Variants in SPATS2 observed in about 807,000 individuals in gnomAD.
SPATS2 encodes spermatogenesis associated serine rich 2, also known as spermatogenesis-associated serine-rich protein 2.
Under a neutral mutation model 63.7 loss-of-function variants are expected in SPATS2, and 38 were observed. That is an observed-to-expected ratio of 0.60 (90% CI 0.46 to 0.78). The LOEUF (loss-of-function observed/expected upper bound fraction) is 0.78. SPATS2 is among the 30% of genes least tolerant of loss of function. SPATS2 has a pLI of 0.00. For missense variants in SPATS2, 588 were observed against 666.2 expected (o/e 0.88, Z 1.29); for synonymous variants, 207 against 232.9 (o/e 0.89, Z 1.01).
At chr12:49,503,113 A>G (rs1946591999) in intron 9 of SPATS2, among the ~76,000 whole-genome samples, 2 of 152,020 alleles carry the variant, frequency 1.3e-5, no homozygotes, top group African/African-American at 4.8e-5. Flanking sequence ...GCACTTTGGG[A>G]GGCCAAGGCG....
At chr12:49,505,217 G>A (rs144518271) in intron 9 of SPATS2, among the ~76,000 whole-genome samples, 233 of 152,240 alleles carry the variant, frequency 1.5e-3, no homozygotes, top group African/African-American at 5.2e-3. Context: ...TATCTAAAAT[G>A]TGTAGAAATA....
rs531585369 is a variant in SPATS2, at chr12:49,453,098, G to T, written c.-243-7672G>T. Among the ~76,000 whole-genome samples, 26 of 150,990 alleles carry T rather than the reference G, an allele frequency of 1.7e-4. No homozygotes were observed. In the East Asian group the frequency reaches 4.3e-3, roughly 25 times the overall value. On this transcript the variant is annotated intron_variant, in intron 2 of 13. Coordinates refer to ENST00000552918, the MANE Select transcript of SPATS2 (RefSeq NM_023071.4). ...GGCATGAACCCGGGAGGCGGAGCTT[G>T]CAGTGAGCCAAGATTGCGCCACTGC...
At chr12:49,511,706 C>T (rs530157492) in intron 9 of SPATS2, among the ~76,000 whole-genome samples, 1 of 152,200 alleles carries the variant, frequency 6.6e-6, no homozygotes, top group East Asian at 1.9e-4. Context: ...TTGTTTAGCT[C>T]AGAAACAGAT....
chr12:49,512,210 T>C (rs1274540758), intron 9 of SPATS2, among the ~76,000 whole-genome samples: 1 of 152,218 alleles, frequency 6.6e-6, no homozygotes, highest in East Asian at 1.9e-4. Flanking sequence ...CTGAGAAATA[T>C]ATCAGCATCA....
intron 3 of SPATS2, among the ~76,000 whole-genome samples, chr12:49,466,329 A>C (rs1945914888): frequency 6.6e-6 from 1 of 151,772 alleles, no homozygotes; most frequent in African/African-American, 2.4e-5. Flanking sequence ...CGCCCGGCTA[A>C]TTTTTGTATT....
intron 2 of SPATS2, among the ~76,000 whole-genome samples, chr12:49,443,023 G>T (rs1297386953): frequency 6.6e-6 from 1 of 151,982 alleles, no homozygotes; most frequent in Non-Finnish European, 1.5e-5. Context: ...TTTGTGACTG[G>T]CTTATTCTAT....
At chr12:49,411,227 A>G (rs1199731093) in intron 2 of SPATS2, among the ~76,000 whole-genome samples, 1 of 152,148 alleles carries the variant, frequency 6.6e-6, no homozygotes, top group Non-Finnish European at 1.5e-5. Context: ...TATTGTTGTT[A>G]GCATACTCAG....
chr12:49,526,189 T>C lies in SPATS2; in HGVS notation c.1572T>C (p.Pro524=). The change falls in exon 14 of 14, where the codon CCT becomes CCC. Residue 524 remains proline, a synonymous_variant. Transcript: ENST00000552918. ...GCATGGAGCCCAGCCCTCCCACGCC[T>C]TCATTCAAAAAGGGGCTCCCCCAGC... ...GVSMEPSPPT[P]SFKKGLPQRK... The C allele has an allele frequency of 1.2e-6, 2 of 1,614,150 alleles. No homozygotes were observed. The highest frequency in any genetic ancestry group is 1.7e-6 in the Non-Finnish European group (2 of 1,180,010).
chr12:49,497,406 T>TC (rs1325151031), intron 8 of SPATS2, among the ~76,000 whole-genome samples: 9 of 150,862 alleles, frequency 6.0e-5, no homozygotes, highest in African/African-American at 1.2e-4. Context: ...TTTTTTTTTT[T>TC]TCCCCCGAGA....
intron 3 of SPATS2, among the ~76,000 whole-genome samples, chr12:49,471,583 T>C (rs1946034571): frequency 6.6e-6 from 1 of 152,162 alleles, no homozygotes; most frequent in East Asian, 1.9e-4. Context: ...CTTCCTGGCT[T>C]GGCCTCCCAA....
At chr12:49,516,973 G>GT (rs1946861911) in intron 10 of SPATS2, among the ~76,000 whole-genome samples, 1 of 151,866 alleles carries the variant, frequency 6.6e-6, no homozygotes, top group Non-Finnish European at 1.5e-5. Flanking sequence ...GTTGCTTTTT[G>GT]TTTTTTACAT....
intron 2 of SPATS2, among the ~76,000 whole-genome samples, chr12:49,374,112 TA>T (rs1378198739): frequency 6.6e-6 from 1 of 152,068 alleles, no homozygotes; most frequent in Non-Finnish European, 1.5e-5. Flanking sequence ...TTGAAGTTTA[TA>T]AATATGTTAT....
intron 2 of SPATS2, among the ~76,000 whole-genome samples, chr12:49,435,100 A>G (rs975273584): frequency 7.4e-6 from 1 of 135,356 alleles, no homozygotes; most frequent in African/African-American, 2.8e-5. Context: ...GCGCAATCTC[A>G]GCTCACTGCA....
intron 2 of SPATS2, among the ~76,000 whole-genome samples, chr12:49,434,324 A>C (rs572233550): frequency 1.3e-5 from 2 of 152,210 alleles, no homozygotes; most frequent in African/African-American, 2.4e-5. Context: ...AACCATTTGT[A>C]TGTTGATGCC....
At chr12:49,525,103 C>T (rs139314672) in intron 13 of SPATS2, among the ~76,000 whole-genome samples, 3,754 of 152,290 alleles carry the variant, frequency 0.025, 99 homozygotes, top group Non-Finnish European at 0.034. Flanking sequence ...TTGCCAAGAA[C>T]TGCTGACTTT....
At chr12:49,518,486 T>TA (rs1483915225) in intron 10 of SPATS2, among the ~76,000 whole-genome samples, 1 of 152,220 alleles carries the variant, frequency 6.6e-6, no homozygotes, top group Non-Finnish European at 1.5e-5. Flanking sequence ...GGGTGGCTGT[T>TA]AAACAGAATG....
chr12:49,413,520 T>G (rs1446105417), intron 2 of SPATS2, among the ~76,000 whole-genome samples: 4 of 152,010 alleles, frequency 2.6e-5, no homozygotes, highest in Admixed American at 6.6e-5. Flanking sequence ...CCACCCTATC[T>G]TGCCAGCACG....
chr12:49,466,551 C>G (rs746374116), intron 3 of SPATS2, among the ~76,000 whole-genome samples: 3 of 152,108 alleles, frequency 2.0e-5, no homozygotes, highest in Non-Finnish European at 4.4e-5. Flanking sequence ...GTTTTGTTGA[C>G]GAGGCTATCC....
At chr12:49,483,407 G>A (rs1213575954) in intron 3 of SPATS2, among the ~76,000 whole-genome samples, 1 of 151,928 alleles carries the variant, frequency 6.6e-6, no homozygotes, top group African/African-American at 2.4e-5. Context: ...CGTTTTTGTA[G>A]ACTGTGTCTC....
Sources: gnomAD v4.1 joint callset for allele counts (sites outside exome capture counted in the v4.1 genomes callset) on GRCh38, gnomAD v4.1.1 for gene constraint, MANE v1.5 for transcripts, NCBI Gene and HGNC (gene_info 2026-07-23, HGNC 2026-07-21) for gene names.